CARMIL2: variants seen among roughly 807,000 people sequenced by gnomAD.
CARMIL2 encodes capping protein regulator and myosin 1 linker 2.
In CARMIL2, 96 loss-of-function variants were observed where a neutral mutation model predicts 173.3. The observed-to-expected ratio is 0.55, with a 90% CI of 0.47 to 0.66. The LOEUF is 0.66. Ranked by LOEUF, CARMIL2 falls within the 30% of genes least tolerant of loss-of-function variation. The probability of loss-of-function intolerance (pLI) is 0.00; values close to 1 mark genes in which losing one functional copy is unlikely to be tolerated. For missense variants in CARMIL2, 1,771 were observed against 1,906.7 expected, an observed-to-expected ratio of 0.93 and a Z score of 1.33; for synonymous variants, 830 against 817.1, an observed-to-expected ratio of 1.02 and a Z score of -0.27.
intron 32 of CARMIL2, 69 bp downstream of exon 32, chr16:67,654,969 A>C (rs2052813832): frequency 6.3e-7 from 1 of 1,578,948 alleles, no homozygotes. Flanking sequence ...TAAGTGACCA[A>C]GATGGAGGAG....
In CARMIL2 at chr16:67,652,223, A is replaced by G; in HGVS notation, c.2701A>G (p.Thr901Ala). 6.2e-7 allele frequency: 1 copy of G among 1,613,034 alleles called. No homozygotes were observed. Among genetic ancestry groups the G allele is most frequent in the Non-Finnish European group, 8.5e-7 (1 of 1,179,848 alleles). Residue 901 changes from threonine (T) to alanine (A), a missense_variant, in exon 27 of 38, where the codon ACA becomes GCA. Physicochemically the swap from Thr to Ala is moderately conservative, Grantham distance 58 (BLOSUM62 0). Coordinates refer to ENST00000334583, the MANE Select transcript of CARMIL2 (RefSeq NM_001013838.3). This position sits in a 1 kb window ranked among gnomAD's most constrained non-coding sequence, Gnocchi z 4.7. The part of the protein sequence containing the change: ...QLVESLAQQA[T>A]VTMPPALPAP... ...GGTGGAGAGTCTGGCTCAGCAGGCA[A>G]CAGTGACAATGCCCCCTGCCCTACC...
chr16:67,647,229 G>GGT (rs745872616), intron 9 of CARMIL2, 38 bp downstream of exon 9: 27 of 1,612,304 alleles, frequency 1.7e-5, no homozygotes, highest in Non-Finnish European at 2.1e-5. Flanking sequence ...AGGGGCCAAG[G>GGT]GTGTGGGCCA....
chr16:67,648,293 C>A lies in CARMIL2; in HGVS notation c.1313C>A (p.Ser438Ter). ...CCTSLTHLDA[S>*]RNVFSRTKSR... is the part of the protein sequence containing the mutation. Reference sequence around the variant, plus strand: ...ACCAGCCTTACCCACCTCGACGCTTCGAGGAACGTCTTCTCCCGCACGTAA... The same window carrying A: ...ACCAGCCTTACCCACCTCGACGCTTAGAGGAACGTCTTCTCCCGCACGTAA... The change falls in exon 14 of 38, where the codon TCG (serine) becomes TAG (stop). Residue 438 changes from serine to a stop codon, truncating the protein, a stop_gained. Transcript: ENST00000334583. LOFTEE classifies it high-confidence loss of function. The surrounding 1 kb of genome is among the most constrained non-coding windows in gnomAD (Gnocchi z 6.1). The A allele has an allele frequency of 6.3e-7, 1 of 1,592,778 alleles. No homozygotes were observed. Among genetic ancestry groups the A allele is most frequent in the Non-Finnish European group, 8.5e-7 (1 of 1,176,324 alleles).
chr16:67,654,080 CGGGGG>C (rs548114769), intron 29 of CARMIL2, 64 bp from the exon 30 acceptor site: 230 of 560,240 alleles, frequency 4.1e-4, no homozygotes, highest in South Asian at 6.4e-4. Context: ...GGCTGCCGGC[CGGGGG>C]GGGGGGGGGG....
In CARMIL2 at chr16:67,647,340, G is replaced by A; in HGVS notation, c.729G>A (p.Gln243=). ...VSEQILHMMS[Q]SSHLEELVLE... ...AACAGATTCTGCACATGATGAGTCA[G>A]TCATCACACCTGGAGGAGCTGGTGC... The change falls in exon 10 of 38, where the codon CAG becomes CAA. Residue 243 remains glutamine (Q), a synonymous_variant. Coordinates refer to ENST00000334583, the MANE Select transcript of CARMIL2 (RefSeq NM_001013838.3). 6.3e-7 allele frequency: 1 copy of A among 1,590,804 alleles called. No individual in the cohort carries two copies. The highest frequency in any genetic ancestry group is 1.1e-5 in the South Asian group (1 of 88,184).
intron 29 of CARMIL2, 45 bp from the exon 30 acceptor site, chr16:67,654,104 A>G (rs1471126606): frequency 5.0e-6 from 4 of 801,950 alleles, no homozygotes; most frequent in Non-Finnish European, 7.7e-6. Flanking sequence ...GGTAGAAGCC[A>G]GAGTTGCACT....
Position 67,646,505 on chromosome 16 carries a change from T to A in CARMIL2, c.454T>A (p.Cys152Ser), listed in dbSNP as rs1482000159. 4.3e-5 allele frequency: 70 copies of A among 1,613,036 alleles called. No individual in the cohort carries two copies. The highest frequency in any genetic ancestry group is 5.8e-5 in the Non-Finnish European group (69 of 1,179,788). ...CAGCCCCTCGGAGTCCACTGACCCCTGCAGCCCCTGTGGTAAGGGTGAAGG... is the reference window on the plus strand; with the variant it reads ...CAGCCCCTCGGAGTCCACTGACCCCAGCAGCCCCTGTGGTAAGGGTGAAGG... The part of the protein sequence containing the change: ...RSSPSESTDP[C>S]SPCGGFLETY... Residue 152 changes from cysteine (C) to serine (S), a missense_variant, in exon 6 of 38, where the codon TGC becomes AGC. Coordinates refer to ENST00000334583, the MANE Select transcript of CARMIL2 (RefSeq NM_001013838.3). This position sits in a 1 kb window ranked among gnomAD's most constrained non-coding sequence, Gnocchi z 4.6.
chr16:67,652,553 T>TGGG lies in CARMIL2; in HGVS notation c.2884+18_2884+20dup. ...CTTCATTCACAGTAAGTCAGGGCCTTGGGGGAGGGAGTTTACGTGGGTGGG... is the reference window on the plus strand; with the variant it reads ...CTTCATTCACAGTAAGTCAGGGCCTTGGGGGGGGAGGGAGTTTACGTGGGTGGG... On this transcript the variant is annotated intron_variant, in intron 28 of 37. Coordinates refer to ENST00000334583, the MANE Select transcript of CARMIL2 (RefSeq NM_001013838.3). This position sits in a 1 kb window ranked among gnomAD's most constrained non-coding sequence, Gnocchi z 4.7. 6.2e-7 allele frequency: 1 copy of TGGG among 1,611,624 alleles called. No homozygotes were observed. The highest frequency in any genetic ancestry group is 1.1e-5 in the South Asian group (1 of 90,922).
Position 67,649,823 on chromosome 16 carries a change from G to A in CARMIL2, c.1937G>A (p.Arg646Gln), listed in dbSNP as rs781084120. The A allele has an allele frequency of 4.9e-5, 79 of 1,612,194 alleles. No individual in the cohort carries two copies. In the Admixed American group the frequency reaches 5.0e-4, roughly 10 times the overall value. Residue 646 changes from arginine to glutamine, a missense_variant, in exon 21 of 38, where the codon CGG becomes CAG. Arg to Gln is a conservative substitution (Grantham distance 43). Around this residue, in one of 3 missense-constraint regions of CARMIL2, gnomAD observed 944 missense variants for 975.6 expected, o/e 0.97. Transcript: ENST00000334583. The surrounding 1 kb of genome is among the most constrained non-coding windows in gnomAD (Gnocchi z 6.7). ...CGGCCCAGGTCTGTGGTCTGGGACC[G>A]GAACCACACATCTGCTTTGGGTCTG... is the stretch of plus-strand genomic sequence containing the variant. The part of the protein sequence containing the change: ...NSRLRSVVWD[R>Q]NHTSALGLLD...
At position 67,648,456 on chromosome 16, in the gene CARMIL2, C is replaced by G. The variant is rs2142920312; in HGVS notation, c.1393C>G (p.Arg465Gly). Residue 465 changes from arginine to glycine, a missense_variant, in exon 15 of 38, where the codon CGG becomes GGG. Physicochemically the swap from Arg to Gly is moderately radical, Grantham distance 125. Transcript: ENST00000334583. The surrounding 1 kb of genome is among the most constrained non-coding windows in gnomAD (Gnocchi z 6.1). ...QLFLSRARTL[R>G]HLGLAGCKLP... ...CTTCCTCAGCCGCGCGCGGACGCTG[C>G]GGCACCTGGGCCTGGCGGGCTGCAA... The G allele has an allele frequency of 6.9e-7, 1 of 1,453,512 alleles. No homozygotes were observed. The highest frequency in any genetic ancestry group is 9.0e-7 in the Non-Finnish European group (1 of 1,112,508). 90.0% of individuals were successfully genotyped at this position (1,453,512 alleles called of 1,614,324 possible). A position where few individuals can be genotyped will look rare whatever the true frequency, so the allele number is the denominator to read the frequency against.
rs1197614404 is a variant in CARMIL2, at chr16:67,648,980, G to A, written c.1591+6G>A. On this transcript the variant is annotated splice_donor_region_variant and intron_variant, in intron 17 of 37. Coordinates refer to ENST00000334583, the MANE Select transcript of CARMIL2 (RefSeq NM_001013838.3). This position sits in a 1 kb window ranked among gnomAD's most constrained non-coding sequence, Gnocchi z 6.1. ...CCTGGATCTGGCGGATAACGGTGAG[G>A]CTGCAGGAGAGCCCATCCTCGCATC... is the stretch of plus-strand genomic sequence containing the variant. 1 of 1,607,386 alleles carries A rather than the reference G, an allele frequency of 6.2e-7. No homozygotes were observed.
At chr16:67,647,085 A>G in intron 8 of CARMIL2, 31 bp from the exon 9 acceptor site, 1 of 1,612,404 alleles carries the variant, frequency 6.2e-7, no homozygotes, top group Non-Finnish European at 8.5e-7. Context: ...GAGGGCCCTG[A>G]GCTCTGCCTC....
rs769062015 is a variant in CARMIL2, at chr16:67,647,878, A to G, written c.991A>G (p.Asn331Asp). The G allele has an allele frequency of 6.2e-7, 1 of 1,611,096 alleles. No individual in the cohort carries two copies. The highest frequency in any genetic ancestry group is 8.5e-7 in the Non-Finnish European group (1 of 1,178,928). Residue 331 changes from asparagine (N) to aspartate (D), a missense_variant, in exon 13 of 38, where the codon AAT becomes GAT. Physicochemically the swap from Asn to Asp is conservative, Grantham distance 23. Coordinates refer to ENST00000334583, the MANE Select transcript of CARMIL2 (RefSeq NM_001013838.3). ...MRALGRALATNAAFDSTLTHL... is the reference protein window; with the variant it reads ...MRALGRALATDAAFDSTLTHL... ...GGCTCTGGGCCGGGCACTGGCCACC[A>G]ATGCCGCCTTCGACTCCACCCTGAC...
rs757129135 is a variant in CARMIL2 at position 67,654,466 on chromosome 16, C to T, written c.3356C>T (p.Thr1119Ile). The change falls in exon 31 of 38, where the codon ACC becomes ATC. Residue 1119 changes from threonine to isoleucine, a missense_variant. Thr to Ile is a moderately conservative substitution (Grantham distance 89). This residue lies in a region of CARMIL2 where 817 missense variants were observed against 903.5 expected (regional missense o/e 0.90). Transcript: ENST00000334583. ...CGGGGTCCACGGACTGATCTAGAGA[C>T]CAGCCCTGGGGCAGCTCCCCGAACC... ...STRGPRTDLE[T>I]SPGAAPRTRK... 6.2e-7 allele frequency: 1 copy of T among 1,613,060 alleles called. No homozygotes were observed. The highest frequency in any genetic ancestry group is 1.1e-5 in the South Asian group (1 of 90,994).
In CARMIL2 at chr16:67,651,433, C is replaced by T. The variant is rs1159732055; in HGVS notation, c.2346C>T (p.Ser782=). 1 of 1,595,276 alleles carries T rather than the reference C, an allele frequency of 6.3e-7. No homozygotes were observed. The highest frequency in any genetic ancestry group is 8.6e-7 in the Non-Finnish European group (1 of 1,169,290). ...ILPILYEAGS[S]PSHHWQLGQK... Reference sequence around the variant, plus strand: ...CCATTCTATATGAAGCTGGAAGCTCCCCAAGCCATCACTGGCAGCTTGGGC... The same window carrying T: ...CCATTCTATATGAAGCTGGAAGCTCTCCAAGCCATCACTGGCAGCTTGGGC... The change falls in exon 24 of 38, where the codon TCC becomes TCT. Residue 782 remains serine (S), a synonymous_variant. Coordinates refer to ENST00000334583, the MANE Select transcript of CARMIL2 (RefSeq NM_001013838.3). The surrounding 1 kb of genome is among the most constrained non-coding windows in gnomAD (Gnocchi z 4.2).
chr16:67,651,196 G>T lies in CARMIL2; in HGVS notation c.2194G>T (p.Glu732Ter). Reference sequence around the variant, plus strand: ...CCCCATTTCGCCCCAGGAAGTGAATGAATTGTGTCAGTCGGTGCAGGAGCA... The same window carrying T: ...CCCCATTTCGCCCCAGGAAGTGAATTAATTGTGTCAGTCGGTGCAGGAGCA... ...VSDPSEQEVN[E>*]LCQSVQEHVE... The change falls in exon 23 of 38, where the codon GAA becomes TAA. Residue 732 changes from glutamate to a stop codon, truncating the protein, a stop_gained. Coordinates refer to ENST00000334583, the MANE Select transcript of CARMIL2 (RefSeq NM_001013838.3). LOFTEE classifies it high-confidence loss of function. This position sits in a 1 kb window ranked among gnomAD's most constrained non-coding sequence, Gnocchi z 4.2. 6.2e-7 allele frequency: 1 copy of T among 1,613,212 alleles called. No individual in the cohort carries two copies. Among genetic ancestry groups the T allele is most frequent in the Non-Finnish European group, 8.5e-7 (1 of 1,179,692 alleles).
In CARMIL2 at chr16:67,646,267, GTGGC is replaced by G. The variant is rs2142909875; in HGVS notation, c.334_337del (p.Ala112GlnfsTer96). 6.2e-7 allele frequency: 1 copy of G among 1,613,698 alleles called. No individual in the cohort carries two copies. Among genetic ancestry groups the G allele is most frequent in the Non-Finnish European group, 8.5e-7 (1 of 1,179,838 alleles). ...CGCCCTGGAACAGCTGGCCCAGCAC[GTGGC>G]TGCAGCCATCAAGAAGGTCTTCCCT... On this transcript the variant is annotated frameshift_variant, in exon 5 of 38. Transcript: ENST00000334583. LOFTEE classifies it high-confidence loss of function. This position sits in a 1 kb window ranked among gnomAD's most constrained non-coding sequence, Gnocchi z 4.6.
Position 67,649,652 on chromosome 16 carries a change from C to A in CARMIL2, c.1919+33C>A. ...GGGTCAGAGGGGTGGGACCAGCGGG[C>A]AGGGGGCGCGGTGGAGAGGAGGGCA... On this transcript the variant is annotated intron_variant, in intron 20 of 37. Coordinates refer to ENST00000334583, the MANE Select transcript of CARMIL2 (RefSeq NM_001013838.3). The surrounding 1 kb of genome is among the most constrained non-coding windows in gnomAD (Gnocchi z 6.7). 1 of 1,562,070 alleles carries A rather than the reference C, an allele frequency of 6.4e-7. No individual in the cohort carries two copies.
At position 67,647,953 on chromosome 16, in the gene CARMIL2, A is replaced by G. The variant is rs760902696; in HGVS notation, c.1066A>G (p.Ser356Gly). 2.5e-6 allele frequency: 4 copies of G among 1,606,424 alleles called. No individual in the cohort carries two copies. Among genetic ancestry groups the G allele is most frequent in the Non-Finnish European group, 3.4e-6 (4 of 1,176,094 alleles). The stretch of plus-strand genomic sequence containing the variant: ...TGGGGCGCTGGGGGCCTCCGAGGAC[A>G]GTGGGGTGAGTGGCTGTCTTCAGGG... Reference protein sequence around the residue: ...NPGALGASEDSGGLYSFLSRP... With the variant: ...NPGALGASEDGGGLYSFLSRP... Residue 356 changes from serine (S) to glycine (G), a missense_variant, in exon 13 of 38, where the codon AGT becomes GGT. Ser to Gly is a moderately conservative substitution (Grantham distance 56). Transcript: ENST00000334583.
Sources: allele counts gnomAD v4.1 joint callset, GRCh38; gene constraint gnomAD v4.1.1; regional missense constraint gnomAD v4.1.1; non-coding constraint Gnocchi (gnomAD v3.1); transcripts MANE v1.5; gene names NCBI Gene and HGNC (gene_info 2026-07-23, HGNC 2026-07-21).